The following ARMC3 variants were observed in gnomAD, a reference collection of about 807,000 sequenced individuals.
ARMC3 encodes the protein armadillo repeat-containing protein 3.
A neutral mutation model predicts 90.3 loss-of-function variants in ARMC3; 74 were observed. The observed-to-expected ratio is 0.82, with a 90% CI of 0.68 to 0.99. ARMC3 has a LOEUF of 0.99. Ranked by LOEUF, ARMC3 falls within the 50% of genes least tolerant of loss-of-function variation. ARMC3 has a pLI of 0.00. For missense variants in ARMC3, 958 were observed against 1,042.8 expected (o/e 0.92, Z 1.12); for synonymous variants, 334 against 361.8 (o/e 0.92, Z 0.87).
At chr10:23,018,279 C>A (rs1838363051) in intron 16 of ARMC3, among the ~76,000 whole-genome samples, 1 of 152,162 alleles carries the variant, frequency 6.6e-6, no homozygotes. Flanking sequence ...GTGGTCACAG[C>A]TGGGGTTGTA....
At chr10:22,965,927 A>G (rs770156407) in intron 7 of ARMC3, among the ~76,000 whole-genome samples, 1 of 152,202 alleles carries the variant, frequency 6.6e-6, no homozygotes, top group Non-Finnish European at 1.5e-5. Context: ...TAATTACTTA[A>G]TTCACCAACA....
chr10:23,034,945 C>A (rs1839067702), intron 18 of ARMC3, among the ~76,000 whole-genome samples: 1 of 152,186 alleles, frequency 6.6e-6, no homozygotes, highest in Non-Finnish European at 1.5e-5. Context: ...GATTAGTAGC[C>A]AGCTAGCTCT....
chr10:23,019,497 C>T (rs1242483584), intron 16 of ARMC3, among the ~76,000 whole-genome samples: 1 of 152,116 alleles, frequency 6.6e-6, no homozygotes, highest in East Asian at 1.9e-4. Context: ...ATCCTAACCC[C>T]TGGTATTTTC....
At position 23,033,023 on chromosome 10, in the gene ARMC3, G is replaced by T; in HGVS notation, c.2409G>T (p.Lys803Asn). ...TCTACCATCGAGCTTTGCTTTTCAA[G>T]GTGTGTAAGGTATTTTGCCTCATTT... is the stretch of plus-strand genomic sequence containing the variant. The part of the protein sequence containing the change: ...GIFYHRALLF[K>N]ALADRIGIGC... The change falls in exon 18 of 19, where the codon AAG becomes AAT. Residue 803 changes from lysine to asparagine, a missense_variant and splice_region_variant. By Grantham distance (94) the Lys-to-Asn change is moderately conservative (BLOSUM62 0). Transcript: ENST00000298032. 1 of 1,611,886 alleles carries T rather than the reference G, an allele frequency of 6.2e-7. No homozygotes were observed. The highest frequency in any genetic ancestry group is 2.2e-5 in the East Asian group (1 of 44,736).
At chr10:23,001,106 G>GCC (rs1186519371) in intron 11 of ARMC3, among the ~76,000 whole-genome samples, 1 of 152,178 alleles carries the variant, frequency 6.6e-6, no homozygotes, top group African/African-American at 2.4e-5. Context: ...TGTTGCTTTG[G>GCC]CTGCAGTGCT....
intron 7 of ARMC3, among the ~76,000 whole-genome samples, chr10:22,963,887 T>TCACACA (rs1218675914): frequency 1.1e-3 from 36 of 33,852 alleles, no homozygotes; most frequent in South Asian, 1.8e-3. Flanking sequence ...AGACTCTGTC[T>TCACACA]CACACACACA....
At position 23,003,841 on chromosome 10, in the gene ARMC3, C is replaced by CA. The variant is rs34984819; in HGVS notation, c.1731+438dup. Reference sequence around the variant, plus strand: ...CCCAGGCAGCATAGCAAGACCCTGTCAAAAAAAAAAAGGTATAAAAGAAGG... The same window carrying CA: ...CCCAGGCAGCATAGCAAGACCCTGTCAAAAAAAAAAAAGGTATAAAAGAAGG... On this transcript the variant is annotated intron_variant, in intron 13 of 18. Transcript: ENST00000298032. 9.3e-4 allele frequency among the ~76,000 whole-genome samples: 137 copies of CA among 146,932 alleles called. 1 individual carries two copies. The highest frequency in any genetic ancestry group is 7.8e-3 in the South Asian group (36 of 4,632).
intron 8 of ARMC3, among the ~76,000 whole-genome samples, chr10:22,976,112 CTGGTT>C (rs1835909940): frequency 6.6e-6 from 1 of 152,212 alleles, no homozygotes; most frequent in Admixed American, 6.5e-5. Context: ...CCTGATCCCA[CTGGTT>C]TATATAAGAG....
At chr10:22,957,297 T>C (rs551773825) in intron 4 of ARMC3, among the ~76,000 whole-genome samples, 3 of 152,066 alleles carry the variant, frequency 2.0e-5, no homozygotes, top group South Asian at 4.2e-4. Flanking sequence ...TGAGTGGAAG[T>C]TGGGGAGAGA....
rs776143888 is a variant in ARMC3, at chr10:23,002,609, CT to C, written c.1562+565del. ...TTTTCTTTCTTTTCTTTTTTTCTTT[CT>C]TTTTTTTTTTGGCAGAGTCTCGCTC... is the stretch of plus-strand genomic sequence containing the variant. On this transcript the variant is annotated intron_variant, in intron 12 of 18. Coordinates refer to ENST00000298032, the MANE Select transcript of ARMC3 (RefSeq NM_173081.5). 6.0e-3 allele frequency among the ~76,000 whole-genome samples: 831 copies of C among 139,252 alleles called. 10 individuals carry two copies. Among genetic ancestry groups the C allele is most frequent in the East Asian group, 0.051 (246 of 4,806 alleles). 91.4% of individuals were successfully genotyped at this position (139,252 alleles called of 152,430 possible).
intron 18 of ARMC3, among the ~76,000 whole-genome samples, 175 bp downstream of exon 18, chr10:23,033,198 T>C (rs890224599): frequency 2.0e-5 from 3 of 152,146 alleles, no homozygotes; most frequent in Admixed American, 2.0e-4. Context: ...CATATATATA[T>C]ATGAATATAA....
At chr10:22,939,937 A>G (rs1441281991) in intron 2 of ARMC3, among the ~76,000 whole-genome samples, 2 of 152,216 alleles carry the variant, frequency 1.3e-5, no homozygotes, top group Non-Finnish European at 2.9e-5. Flanking sequence ...CAACCATATC[A>G]ACAACCACAT....
intron 8 of ARMC3, among the ~76,000 whole-genome samples, chr10:22,980,136 G>A (rs1836119628): frequency 6.6e-6 from 1 of 152,146 alleles, no homozygotes; most frequent in South Asian, 2.1e-4. Context: ...ATTAACATGT[G>A]TATAAGTAAT....
chr10:23,007,088 G>A (rs1837654947), intron 14 of ARMC3, 107 bp downstream of exon 14: 1 of 864,408 alleles, frequency 1.2e-6, no homozygotes, highest in Non-Finnish European at 1.8e-6. Context: ...CTTTTCTCCT[G>A]TATCTAGCAC....
chr10:22,941,495 C>G (rs563024790), intron 2 of ARMC3, among the ~76,000 whole-genome samples: 4 of 152,192 alleles, frequency 2.6e-5, no homozygotes, highest in South Asian at 4.1e-4. Context: ...GAGAATGTGT[C>G]CATTCTGTGA....
intron 16 of ARMC3, among the ~76,000 whole-genome samples, chr10:23,017,051 A>G (rs891420987): frequency 8.6e-5 from 13 of 150,314 alleles, no homozygotes; most frequent in Middle Eastern, 3.4e-3. Flanking sequence ...AATCTTAACT[A>G]TGTATGTGAC....
At chr10:22,969,373 C>CT (rs996990277) in intron 8 of ARMC3, among the ~76,000 whole-genome samples, 7 of 152,124 alleles carry the variant, frequency 4.6e-5, no homozygotes, top group African/African-American at 1.7e-4. Flanking sequence ...TTCTGCACCA[C>CT]TTTTAGAAAT....
chr10:23,037,546 C>G lies in ARMC3; in HGVS notation c.*67C>G, dbSNP rs1839168046. The G allele has an allele frequency of 5.5e-6, 7 of 1,272,228 alleles. No homozygotes were observed. Among genetic ancestry groups the G allele is most frequent in the Middle Eastern group, 2.0e-4 (1 of 4,998 alleles). The allele number at this position is 1,272,228 out of a possible 1,614,324, so 78.8% of individuals were successfully genotyped here. A position where few individuals can be genotyped will look rare whatever the true frequency, so the allele number is the denominator to read the frequency against. On this transcript the variant is annotated 3_prime_UTR_variant, in exon 19 of 19. Coordinates refer to ENST00000298032, the MANE Select transcript of ARMC3 (RefSeq NM_173081.5). ...CTGTGTACACTCTCTAAGACATTCT[C>G]CAAATTGATTTTATCTCTTTAAATA...
intron 13 of ARMC3, among the ~76,000 whole-genome samples, chr10:23,005,223 A>C (rs1380482740): frequency 6.6e-6 from 1 of 150,556 alleles, no homozygotes; most frequent in Non-Finnish European, 1.5e-5. Flanking sequence ...AAAAAAAAAA[A>C]AAAAAAAAAA....
Sources: allele counts gnomAD v4.1 joint callset (sites outside exome capture counted in the v4.1 genomes callset), GRCh38; gene constraint gnomAD v4.1.1; transcripts MANE v1.5; gene names NCBI Gene and HGNC (gene_info 2026-07-23, HGNC 2026-07-21).